Variants in GRHL2 observed in about 807,000 individuals in gnomAD.
GRHL2 encodes grainyhead like transcription factor 2, also known as grainyhead-like protein 2 homolog.
GRHL2 carries 21 observed loss-of-function variants against 83.8 expected under a neutral mutation model. That is an observed-to-expected ratio of 0.25 (90% CI 0.18 to 0.36). The LOEUF (loss-of-function observed/expected upper bound fraction) is 0.36, where lower values mean the gene tolerates loss of function less well. Among genes scored for constraint, GRHL2 ranks in the 10% least tolerant of loss-of-function variants. The pLI is 1.00. For synonymous variants in GRHL2, 280 were observed against 278.9 expected, an observed-to-expected ratio of 1.00 and a Z score of -0.04; for missense variants, 623 against 781.8, an observed-to-expected ratio of 0.80 and a Z score of 2.42.
intron 8 of GRHL2, among the ~76,000 whole-genome samples, chr8:101,617,818 C>T (rs1812886028): frequency 6.6e-6 from 1 of 152,156 alleles, no homozygotes; most frequent in African/African-American, 2.4e-5. Flanking sequence ...AAGCCTTTAA[C>T]ATGCAGTCCG....
intron 3 of GRHL2, among the ~76,000 whole-genome samples, chr8:101,554,543 A>C (rs527481691): frequency 5.9e-5 from 9 of 152,326 alleles, no homozygotes; most frequent in African/African-American, 2.2e-4. Context: ...ACTGCAGTGA[A>C]GTATAGACTA....
At chr8:101,503,922 T>G (rs1810282982) in intron 1 of GRHL2, among the ~76,000 whole-genome samples, 1 of 152,232 alleles carries the variant, frequency 6.6e-6, no homozygotes, top group South Asian at 2.1e-4. Context: ...TGTCTGTTAG[T>G]GTTTCTCTGT....
chr8:101,536,506 T>C (rs17397776), intron 1 of GRHL2, among the ~76,000 whole-genome samples: 96 of 152,164 alleles, frequency 6.3e-4, no homozygotes, highest in African/African-American at 2.1e-3. Flanking sequence ...TCTGTCTACA[T>C]TGGGATACTT....
At chr8:101,635,507 T>C (rs1404735380) in intron 11 of GRHL2, among the ~76,000 whole-genome samples, 2 of 152,174 alleles carry the variant, frequency 1.3e-5, no homozygotes, top group Non-Finnish European at 2.9e-5. Flanking sequence ...ATAGATACAC[T>C]ATGCCATGTT....
chr8:101,582,829 T>C (rs527723149), intron 7 of GRHL2, among the ~76,000 whole-genome samples: 1 of 152,306 alleles, frequency 6.6e-6, no homozygotes, highest in South Asian at 2.1e-4. Context: ...TACAGTTTTA[T>C]TGGGGAGATA....
In GRHL2 at chr8:101,606,543, A is replaced by G. The variant is rs571531447; in HGVS notation, c.1098+7392A>G. On this transcript the variant is annotated intron_variant, in intron 8 of 15. Coordinates refer to ENST00000646743, the MANE Select transcript of GRHL2 (RefSeq NM_024915.4). Reference sequence around the variant, plus strand: ...AGTTGAAAGTAAAATGTTCTCATCTATATTTGTAAATCCACTTTAAAGGGA... The same window carrying G: ...AGTTGAAAGTAAAATGTTCTCATCTGTATTTGTAAATCCACTTTAAAGGGA... Among the ~76,000 whole-genome samples the G allele has an allele frequency of 5.1e-4, 78 of 152,306 alleles. 1 individual carries two copies. The Middle Eastern group carries it at 0.027, about 53-fold the overall frequency.
chr8:101,493,372 G>C (rs912426582), intron 1 of GRHL2, among the ~76,000 whole-genome samples: 1 of 152,128 alleles, frequency 6.6e-6, no homozygotes, highest in Non-Finnish European at 1.5e-5. Flanking sequence ...TGGGAGGCCG[G>C]GGGGCGCGGG....
downstream of GRHL2, among the ~76,000 whole-genome samples, chr8:101,670,736 A>C (rs1267644826): frequency 1.3e-5 from 2 of 152,218 alleles, no homozygotes; most frequent in African/African-American, 4.8e-5. Flanking sequence ...CATGTGTGCC[A>C]ACCAGTTCCC....
chr8:101,566,645 C>T (rs908692787), intron 4 of GRHL2, among the ~76,000 whole-genome samples: 3 of 148,224 alleles, frequency 2.0e-5, no homozygotes, highest in East Asian at 2.0e-4. Flanking sequence ...TCTAACTGCC[C>T]GATTGATTTT....
In GRHL2 at chr8:101,666,687, C is replaced by A; in HGVS notation, c.1862C>A (p.Thr621Lys). 6.2e-7 allele frequency: 1 copy of A among 1,610,138 alleles called. No homozygotes were observed. Among genetic ancestry groups the A allele is most frequent in the Non-Finnish European group, 8.5e-7 (1 of 1,176,390 alleles). Residue 621 changes from threonine to lysine, a missense_variant, in exon 16 of 16, where the codon ACG becomes AAG. Coordinates refer to ENST00000646743, the MANE Select transcript of GRHL2 (RefSeq NM_024915.4). ...AGCATGGTGGAGGGCTTCAAGGTCA[C>A]GCTCATGGAAATCTAGCCCTGGGTT... ...MESMVEGFKV[T>K]LMEI
At chr8:101,509,154 C>CTGCCT (rs1810405953) in intron 1 of GRHL2, among the ~76,000 whole-genome samples, 2 of 56,904 alleles carry the variant, frequency 3.5e-5, no homozygotes, top group Non-Finnish European at 5.0e-5. Flanking sequence ...TCCTTCCTTC[C>CTGCCT]TTCCTTTCTT....
chr8:101,677,227 A>AAT, the GRHL2 span, among the ~76,000 whole-genome samples: 14 of 128,216 alleles, frequency 1.1e-4, no homozygotes, highest in East Asian at 6.9e-4. Context: ...ATAATAATAA[A>AAT]AATAAAGAAA....
At chr8:101,678,512 C>T in the GRHL2 span, among the ~76,000 whole-genome samples, 1 of 152,178 alleles carries the variant, frequency 6.6e-6, no homozygotes, top group Admixed American at 6.5e-5. Context: ...GGGAGGGGCG[C>T]CCGCCATTGC....
intron 5 of GRHL2, 104 bp downstream of exon 5, chr8:101,570,498 A>G: frequency 2.1e-6 from 2 of 941,344 alleles, no homozygotes; most frequent in Non-Finnish European, 3.5e-6. Flanking sequence ...AAACTTGTAC[A>G]GAACAGTGTG....
At position 101,643,872 on chromosome 8, in the gene GRHL2, G is replaced by C. The variant is rs115719366; in HGVS notation, c.1518-259G>C. 0.012 allele frequency among the ~76,000 whole-genome samples: 1,867 copies of C among 152,308 alleles called. 47 individuals carry two copies. Among genetic ancestry groups the C allele is most frequent in the African/African-American group, 0.043 (1,778 of 41,558 alleles). On this transcript the variant is annotated intron_variant, in intron 12 of 15. Coordinates refer to ENST00000646743, the MANE Select transcript of GRHL2 (RefSeq NM_024915.4). The stretch of plus-strand genomic sequence containing the variant: ...GACGGAGTGGGTAAAATCCACTTTT[G>C]AAGTCTCACCTTTGTGGATCCATAT...
At chr8:101,556,591 T>C (rs1218627037) in intron 3 of GRHL2, among the ~76,000 whole-genome samples, 4 of 152,234 alleles carry the variant, frequency 2.6e-5, no homozygotes, top group Non-Finnish European at 5.9e-5. Context: ...ATTAATATTC[T>C]ACATCCTCTC....
At chr8:101,551,404 C>G (rs999385069) in intron 2 of GRHL2, among the ~76,000 whole-genome samples, 9 of 152,220 alleles carry the variant, frequency 5.9e-5, no homozygotes, top group South Asian at 2.1e-4. Flanking sequence ...GGCAAGCAGG[C>G]TCTAGGTCTG....
chr8:101,608,144 C>A (rs1186419730), intron 8 of GRHL2, among the ~76,000 whole-genome samples: 1 of 152,178 alleles, frequency 6.6e-6, no homozygotes, highest in East Asian at 1.9e-4. Flanking sequence ...ATGCATTATG[C>A]AATATTCATA....
chr8:101,643,071 G>A (rs866051873), intron 12 of GRHL2, among the ~76,000 whole-genome samples: 6 of 152,036 alleles, frequency 3.9e-5, no homozygotes, highest in Non-Finnish European at 8.8e-5. Context: ...ATTTCTTCAC[G>A]TGCCTGGTCC....
Sources: gnomAD v4.1 joint callset for allele counts (sites outside exome capture counted in the v4.1 genomes callset) on GRCh38, gnomAD v4.1.1 for gene constraint, MANE v1.5 for transcripts, NCBI Gene and HGNC (gene_info 2026-07-23, HGNC 2026-07-21) for gene names.